BFSP2: variants seen among roughly 807,000 people sequenced by gnomAD.
BFSP2 encodes phakinin.
BFSP2 carries 38 observed loss-of-function variants against 44.9 expected under a neutral mutation model. The observed-to-expected ratio is 0.85, with a 90% CI of 0.65 to 1.11. The LOEUF is 1.11. BFSP2 is among the 50% of genes least tolerant of loss of function. The pLI is 0.00. For synonymous variants in BFSP2, 197 were observed against 209.9 expected, an observed-to-expected ratio of 0.94 and a Z score of 0.53; for missense variants, 525 against 533.0, an observed-to-expected ratio of 0.99 and a Z score of 0.15.
intron 1 of BFSP2, among the ~76,000 whole-genome samples, chr3:133,416,347 CT>C (rs1329908901): frequency 4.7e-5 from 7 of 149,246 alleles, no homozygotes; most frequent in South Asian, 2.1e-4. Context: ...CTCCTCACCC[CT>C]GTCCTGTCCC....
intron 5 of BFSP2, among the ~76,000 whole-genome samples, chr3:133,471,861 TGGA>T (rs2074164858): frequency 6.6e-6 from 1 of 152,080 alleles, no homozygotes. Context: ...GAAAGAAAGC[TGGA>T]GGAGATGGTG....
At chr3:133,411,800 TAAGAC>T (rs2073456744) in intron 1 of BFSP2, among the ~76,000 whole-genome samples, 1 of 152,084 alleles carries the variant, frequency 6.6e-6, no homozygotes, top group African/African-American at 2.4e-5. Flanking sequence ...TGGGAAACTA[TAAGAC>T]AAAAGACCCA....
intron 1 of BFSP2, among the ~76,000 whole-genome samples, chr3:133,432,198 C>T (rs1016358263): frequency 1.3e-5 from 2 of 152,192 alleles, no homozygotes; most frequent in African/African-American, 4.8e-5. Flanking sequence ...ACTCTCCTTA[C>T]AATTCCCCCA....
chr3:133,405,958 TTTTA>T (rs746883661), intron 1 of BFSP2, among the ~76,000 whole-genome samples: 21 of 152,204 alleles, frequency 1.4e-4, no homozygotes, highest in South Asian at 4.2e-4. Flanking sequence ...CTTTATTTAT[TTTTA>T]TTTATTTATT....
At chr3:133,456,402 T>A (rs962969300) in intron 4 of BFSP2, among the ~76,000 whole-genome samples, 1 of 152,142 alleles carries the variant, frequency 6.6e-6, no homozygotes, top group Non-Finnish European at 1.5e-5. Flanking sequence ...AATATCGCAA[T>A]GATGGGCATA....
intron 1 of BFSP2, among the ~76,000 whole-genome samples, chr3:133,441,039 C>CTT (rs534254115): frequency 0.092 from 11,729 of 127,144 alleles, 631 homozygotes; most frequent in African/African-American, 0.13. Flanking sequence ...CAGATGCAAT[C>CTT]TTTTTTTTTT....
In BFSP2 at chr3:133,400,845, G is replaced by A. The variant is rs2073357532; in HGVS notation, c.489+273G>A. Among the ~76,000 whole-genome samples the A allele has an allele frequency of 6.6e-6, 1 of 152,186 alleles. No individual in the cohort carries two copies. Among genetic ancestry groups the A allele is most frequent in the Admixed American group, 6.5e-5 (1 of 15,280 alleles). The stretch of plus-strand genomic sequence containing the variant: ...CATTCACTGATTGCATTTTTCAGAT[G>A]AGAAACTGAGGCATGTAATTTGCCC... On this transcript the variant is annotated intron_variant, in intron 1 of 6. Transcript: ENST00000302334. The surrounding 1 kb of genome is among the most constrained non-coding windows in gnomAD (Gnocchi z 4.0).
intron 4 of BFSP2, among the ~76,000 whole-genome samples, chr3:133,465,314 G>C (rs952116140): frequency 6.6e-6 from 1 of 152,048 alleles, no homozygotes; most frequent in Non-Finnish European, 1.5e-5. Context: ...GCCTTGACTT[G>C]GGGTTTCTAG....
At chr3:133,451,909 A>G (rs2073969375) in intron 4 of BFSP2, among the ~76,000 whole-genome samples, 1 of 152,204 alleles carries the variant, frequency 6.6e-6, no homozygotes, top group Non-Finnish European at 1.5e-5. Flanking sequence ...GAGACAGAGG[A>G]TGAAAAGTGA....
chr3:133,430,807 C>T (rs761620704), intron 1 of BFSP2, among the ~76,000 whole-genome samples: 5 of 152,072 alleles, frequency 3.3e-5, no homozygotes, highest in African/African-American at 4.8e-5. Context: ...GACCTCTCCC[C>T]TCCTCACCAG....
At chr3:133,434,337 T>C (rs530711065) in intron 1 of BFSP2, among the ~76,000 whole-genome samples, 2 of 152,062 alleles carry the variant, frequency 1.3e-5, no homozygotes, top group African/African-American at 4.8e-5. Flanking sequence ...ATCCCCACAA[T>C]ATCACCCCTT....
intron 6 of BFSP2, among the ~76,000 whole-genome samples, chr3:133,473,967 G>T (rs2074190732): frequency 6.6e-6 from 1 of 152,184 alleles, no homozygotes. Context: ...ATACCCATCT[G>T]CAAGGGAGGC....
intron 1 of BFSP2, among the ~76,000 whole-genome samples, chr3:133,438,314 G>A (rs1402014852): frequency 6.6e-6 from 1 of 152,206 alleles, no homozygotes; most frequent in African/African-American, 2.4e-5. Context: ...ATCACCTGAG[G>A]TTGGGAGTTC....
In BFSP2 at chr3:133,466,810, A is replaced by C. The variant is rs533678652; in HGVS notation, c.892-18A>C. 1.2e-5 allele frequency: 20 copies of C among 1,611,836 alleles called. No homozygotes were observed. In the African/African-American group the frequency reaches 2.1e-4, roughly 17 times the overall value. Reference sequence around the variant, plus strand: ...TTTCTGATCATCACCGCTCACACTGAGACCTGACTCTCCACAGCAACAGGC... The same window carrying C: ...TTTCTGATCATCACCGCTCACACTGCGACCTGACTCTCCACAGCAACAGGC... On this transcript the variant is annotated intron_variant, in intron 4 of 6. Transcript: ENST00000302334.
Position 133,424,221 on chromosome 3 carries a change from T to TGTGTGTGTGTGTGTGTGTGTGTG in BFSP2, c.490-23096_490-23095insGTGTGTGTGTGTGTGTGTGTGTG, listed in dbSNP as rs879768397. On this transcript the variant is annotated intron_variant, in intron 1 of 6. Transcript: ENST00000302334. ...CCACCGCGTCCAGCTAATTTTTTTT[T>TGTGTGTGTGTGTGTGTGTGTGTG]TTTTTTTTTTTTTTTTTTTTGTATT... Among the ~76,000 whole-genome samples the TGTGTGTGTGTGTGTGTGTGTGTG allele has an allele frequency of 2.8e-5, 3 of 105,468 alleles. 1 individual carries two copies. The highest frequency in any genetic ancestry group is 5.4e-5 in the Non-Finnish European group (3 of 55,620). The allele number at this position is 105,468 out of a possible 152,430, so 69.2% of individuals were successfully genotyped here.
At chr3:133,469,296 G>A (rs1431610439) in intron 5 of BFSP2, among the ~76,000 whole-genome samples, 1 of 152,226 alleles carries the variant, frequency 6.6e-6, no homozygotes, top group Admixed American at 6.5e-5. Context: ...TTCAGATACA[G>A]GAAGTTCATC....
chr3:133,469,202 G>C (rs2107942866), intron 5 of BFSP2, among the ~76,000 whole-genome samples: 1 of 152,358 alleles, frequency 6.6e-6, no homozygotes, highest in African/African-American at 2.4e-5. Context: ...GGTTCTAGTA[G>C]ATTATCGTTC....
chr3:133,408,002 A>G (rs190329758), intron 1 of BFSP2, among the ~76,000 whole-genome samples: 96 of 152,316 alleles, frequency 6.3e-4, no homozygotes, highest in Non-Finnish European at 1.0e-3. Context: ...CAAAAGCAAC[A>G]AAGGAAAATA....
At chr3:133,448,383 A>C in intron 2 of BFSP2, 106 bp from the exon 3 acceptor site, 2 of 1,352,798 alleles carry the variant, frequency 1.5e-6, no homozygotes, top group Non-Finnish European at 2.1e-6. Flanking sequence ...GACTTTTACC[A>C]TTCATTGTCT....
Sources: gnomAD v4.1 joint callset for allele counts (sites outside exome capture counted in the v4.1 genomes callset) on GRCh38, gnomAD v4.1.1 for gene constraint, Gnocchi (gnomAD v3.1) non-coding constraint, MANE v1.5 for transcripts, NCBI Gene and HGNC (gene_info 2026-07-23, HGNC 2026-07-21) for gene names.